The following PSMC6 variants were observed in gnomAD, a reference collection of about 807,000 sequenced individuals.
The protein encoded by PSMC6 is 26S proteasome regulatory subunit 10B.
A neutral mutation model predicts 55.9 loss-of-function variants in PSMC6; 3 were observed. The ratio of observed to expected loss-of-function variants is 0.05; its 90% CI spans 0.02 to 0.14. The LOEUF is 0.14. PSMC6 is among the 10% of genes least tolerant of loss of function. The pLI is 1.00. For missense variants in PSMC6, 210 were observed against 478.7 expected (o/e 0.44, Z 5.24); for synonymous variants, 137 against 155.9 (o/e 0.88, Z 0.90).
In PSMC6 at chr14:52,728,187, GA is replaced by G. The variant is rs1394832821; in HGVS notation, c.*573del. On this transcript the variant is annotated 3_prime_UTR_variant, in exon 14 of 14. Transcript: ENST00000445930. ...GGGTATGTCTGTACTCCTCCTTTCA[GA>G]AAGTGTTTACATATTCTTCATCTAC... The G allele has an allele frequency of 6.6e-6, 1 of 152,250 alleles. No individual in the cohort carries two copies. The highest frequency in any genetic ancestry group is 2.4e-5 in the African/African-American group (1 of 41,436). The allele number at this position is 152,250 out of a possible 1,614,324, so 9.4% of individuals were successfully genotyped here.
At chr14:52,718,458 A>G (rs930872630) in intron 9 of PSMC6, 106 bp downstream of exon 9, 3 of 1,221,912 alleles carry the variant, frequency 2.5e-6, no homozygotes, top group Non-Finnish European at 3.4e-6. Flanking sequence ...AGTAGATACC[A>G]CAATGAATCA....
intron 7 of PSMC6, among the ~76,000 whole-genome samples, chr14:52,715,781 T>C (rs1330587266): frequency 6.6e-6 from 1 of 152,092 alleles, no homozygotes; most frequent in Non-Finnish European, 1.5e-5. Context: ...CATGCCAGGC[T>C]AATTTTTGTG....
intron 7 of PSMC6, 95 bp downstream of exon 7, chr14:52,714,063 CA>C: frequency 8.6e-6 from 7 of 814,038 alleles, no homozygotes; most frequent in South Asian, 1.9e-5. Context: ...TTTTTTGAGA[CA>C]CGGTCTCACT....
intron 10 of PSMC6, 40 bp from the exon 11 acceptor site, chr14:52,720,821 G>T: frequency 1.3e-6 from 2 of 1,514,466 alleles, no homozygotes; most frequent in Admixed American, 1.8e-5. Flanking sequence ...TTTTTTTAAT[G>T]GTTAGAATTT....
rs972534256 is a variant in PSMC6 at position 52,728,335 on chromosome 14, G to A, written c.*718G>A. 1.3e-5 allele frequency: 2 copies of A among 152,162 alleles called. No individual in the cohort carries two copies. The highest frequency in any genetic ancestry group is 6.5e-5 in the Admixed American group (1 of 15,280). 9.4% of individuals were successfully genotyped at this position (152,162 alleles called of 1,614,324 possible). A position where few individuals can be genotyped will look rare whatever the true frequency, so the allele number is the denominator to read the frequency against. On this transcript the variant is annotated 3_prime_UTR_variant, in exon 14 of 14. Transcript: ENST00000445930. The stretch of plus-strand genomic sequence containing the variant: ...TGGGTTTTCTTGGTTTATGTAAGAC[G>A]ATAGGTCCCTGTTGAGGATGTGGAG...
At chr14:52,721,582 C>A in intron 12 of PSMC6, 1 of 156,566 alleles carries the variant, frequency 6.4e-6, no homozygotes, top group Non-Finnish European at 1.4e-5. Context: ...AGAAGGACCG[C>A]TTGAGGCCAG....
At position 52,722,657 on chromosome 14, in the gene PSMC6, G is replaced by A. The variant is rs1418992891; in HGVS notation, c.980-1308G>A. ...TAGAGATTTGAGGACAAAGGAGAAG[G>A]TATAAAGTCATTATCTATGGAAGTG... On this transcript the variant is annotated intron_variant, in intron 12 of 13. Coordinates refer to ENST00000445930, the MANE Select transcript of PSMC6 (RefSeq NM_002806.5). 3.3e-5 allele frequency: 5 copies of A among 152,280 alleles called. No individual in the cohort carries two copies. The East Asian group carries it at 5.8e-4, about 18-fold the overall frequency. The allele number at this position is 152,280 out of a possible 1,614,324, so 9.4% of individuals were successfully genotyped here.
chr14:52,715,077 G>A (rs2041816574), intron 7 of PSMC6, among the ~76,000 whole-genome samples: 1 of 151,174 alleles, frequency 6.6e-6, no homozygotes, highest in Non-Finnish European at 1.5e-5. Context: ...TTAGTGGCAT[G>A]AAACGGTGCT....
intron 9 of PSMC6, chr14:52,718,775 A>G (rs1027289774): frequency 7.2e-6 from 4 of 552,722 alleles, no homozygotes; most frequent in Middle Eastern, 9.7e-4. Context: ...ACAGAGCGAG[A>G]CTCCGTCTCA....
At position 52,720,846 on chromosome 14, in the gene PSMC6, T is replaced by G; in HGVS notation, c.778-15T>G. 1 of 1,566,982 alleles carries G rather than the reference T, an allele frequency of 6.4e-7. No homozygotes were observed. The highest frequency in any genetic ancestry group is 8.7e-7 in the Non-Finnish European group (1 of 1,150,122). ...GGTTAGAATTTTTGTAAAATCTGAT[T>G]CTTAATATTCTTAGTTACTGAATCA... On this transcript the variant is annotated splice_polypyrimidine_tract_variant and intron_variant, in intron 10 of 13. Coordinates refer to ENST00000445930, the MANE Select transcript of PSMC6 (RefSeq NM_002806.5).
At chr14:52,713,304 T>C (rs546249580) in intron 6 of PSMC6, among the ~76,000 whole-genome samples, 1 of 152,348 alleles carries the variant, frequency 6.6e-6, no homozygotes, top group Non-Finnish European at 1.5e-5. Context: ...ATTTCTCTAG[T>C]CTCTACTTTT....
At chr14:52,709,649 TA>T in intron 4 of PSMC6, 1 of 441,906 alleles carries the variant, frequency 2.3e-6, no homozygotes. Context: ...ATTTGAAGAC[TA>T]AAAAACATTA....
chr14:52,727,779 A>G lies in PSMC6; in HGVS notation c.*162A>G, dbSNP rs1462360503. On this transcript the variant is annotated 3_prime_UTR_variant, in exon 14 of 14. Transcript: ENST00000445930. ...TAGTAATTCAACTTTTAAGATACAG[A>G]AGAAATTTGTATGTTTGTTAAAGTT... The G allele has an allele frequency of 8.1e-6, 4 of 491,964 alleles. No homozygotes were observed. Among genetic ancestry groups the G allele is most frequent in the Non-Finnish European group, 1.4e-5 (4 of 275,886 alleles). The allele number at this position is 491,964 out of a possible 1,614,324, so 30.5% of individuals were successfully genotyped here. A position where few individuals can be genotyped will look rare whatever the true frequency, so the allele number is the denominator to read the frequency against.
chr14:52,721,064 T>G (rs2139853460), intron 11 of PSMC6, 46 bp from the exon 12 acceptor site: 1 of 1,579,312 alleles, frequency 6.3e-7, no homozygotes, highest in East Asian at 2.2e-5. Flanking sequence ...TCCACTGTAT[T>G]TTAAAAAAGA....
chr14:52,715,436 A>G (rs2041819944), intron 7 of PSMC6, among the ~76,000 whole-genome samples: 1 of 152,152 alleles, frequency 6.6e-6, no homozygotes, highest in Non-Finnish European at 1.5e-5. Flanking sequence ...ATTACTCAAG[A>G]CTGGTTTTTG....
rs753343535 is a variant in PSMC6 at position 52,707,213 on chromosome 14, T to A, written c.-7T>A. 5 of 1,613,928 alleles carry A rather than the reference T, an allele frequency of 3.1e-6. No individual in the cohort carries two copies. The highest frequency in any genetic ancestry group is 3.4e-6 in the Non-Finnish European group (4 of 1,179,972). On this transcript the variant is annotated 5_prime_UTR_variant, in exon 1 of 14. Coordinates refer to ENST00000445930, the MANE Select transcript of PSMC6 (RefSeq NM_002806.5). ...CCGGCATCCCCTATGAGAGACGGCTTCTCATCATGGCGGACCCTAGAGATA... is the reference window on the plus strand; with the variant it reads ...CCGGCATCCCCTATGAGAGACGGCTACTCATCATGGCGGACCCTAGAGATA...
chr14:52,717,180 G>C (rs905711599), intron 7 of PSMC6, among the ~76,000 whole-genome samples: 1 of 152,098 alleles, frequency 6.6e-6, no homozygotes, highest in African/African-American at 2.4e-5. Flanking sequence ...TGATGGATAT[G>C]TTGATTTGCC....
chr14:52,727,144 C>A (rs1880454039), intron 13 of PSMC6, among the ~76,000 whole-genome samples: 1 of 151,428 alleles, frequency 6.6e-6, no homozygotes, highest in Non-Finnish European at 1.5e-5. Context: ...CCTTAGCCTC[C>A]CGAGTAGCTG....
intron 10 of PSMC6, among the ~76,000 whole-genome samples, chr14:52,720,366 TCAAAAAAAAAAA>T (rs2041877285): frequency 1.0e-4 from 1 of 9,692 alleles, no homozygotes; most frequent in African/African-American, 5.6e-4. Context: ...AAACTCTGTC[TCAAAAAAAAAAA>T]AAAAAAAAAA....
Sources: allele counts gnomAD v4.1 joint callset (sites outside exome capture counted in the v4.1 genomes callset), GRCh38; gene constraint gnomAD v4.1.1; transcripts MANE v1.5; gene names NCBI Gene and HGNC (gene_info 2026-07-23, HGNC 2026-07-21).